MAN1A1: variants seen among roughly 807,000 people sequenced by gnomAD.
MAN1A1 encodes mannosidase alpha class 1A member 1, also known as mannosyl-oligosaccharide 1,2-alpha-mannosidase IA.
MAN1A1 carries 29 observed loss-of-function variants against 70.8 expected under a neutral mutation model. The ratio of observed to expected loss-of-function variants is 0.41; its 90% CI spans 0.31 to 0.56. The LOEUF (loss-of-function observed/expected upper bound fraction) is 0.56, where lower values mean the gene tolerates loss of function less well. Ranked by LOEUF, MAN1A1 falls within the 20% of genes least tolerant of loss-of-function variation. MAN1A1 has a pLI of 0.29. For synonymous variants in MAN1A1, 349 were observed against 330.1 expected, an observed-to-expected ratio of 1.06 and a Z score of -0.62; for missense variants, 747 against 841.3, an observed-to-expected ratio of 0.89 and a Z score of 1.39.
intron 2 of MAN1A1, among the ~76,000 whole-genome samples, chr6:119,331,632 C>A (rs964172540): frequency 6.9e-6 from 1 of 144,156 alleles, no homozygotes; most frequent in African/African-American, 2.6e-5. Context: ...TGAACACATA[C>A]TAGTAAATAT....
chr6:119,313,543 T>TG, intron 2 of MAN1A1, among the ~76,000 whole-genome samples: 1 of 152,158 alleles, frequency 6.6e-6, no homozygotes, highest in South Asian at 2.1e-4. Context: ...TTTACCCCAA[T>TG]GTTACAATGA....
chr6:119,190,250 C>T (rs1722495699), intron 9 of MAN1A1, among the ~76,000 whole-genome samples: 1 of 152,134 alleles, frequency 6.6e-6, no homozygotes. Flanking sequence ...TAACACAGCC[C>T]AGGCCCTAAG....
chr6:119,185,774 T>C, intron 11 of MAN1A1, among the ~76,000 whole-genome samples: 1 of 151,388 alleles, frequency 6.6e-6, no homozygotes, highest in Admixed American at 6.6e-5. Flanking sequence ...AGAGACGGGG[T>C]TTCACCGTGT....
At chr6:119,184,196 G>C (rs1773227319) in intron 11 of MAN1A1, among the ~76,000 whole-genome samples, 1 of 152,098 alleles carries the variant, frequency 6.6e-6, no homozygotes, top group South Asian at 2.1e-4. Context: ...AGTCTAACCA[G>C]ATCATCATTG....
chr6:119,290,176 A>C (rs906414013), intron 5 of MAN1A1, among the ~76,000 whole-genome samples: 1 of 151,992 alleles, frequency 6.6e-6, no homozygotes. Context: ...ACTCAGGAAG[A>C]GCTCCAAAGC....
chr6:119,191,793 G>C, intron 9 of MAN1A1, among the ~76,000 whole-genome samples: 1 of 152,122 alleles, frequency 6.6e-6, no homozygotes, highest in East Asian at 1.9e-4. Context: ...AAATCTACTT[G>C]AAGCTACAAC....
Position 119,260,976 on chromosome 6 carries a change from G to GCTTT in MAN1A1, c.898-12623_898-12622insAAAG, listed in dbSNP as rs1554209499. On this transcript the variant is annotated intron_variant, in intron 5 of 12. Transcript: ENST00000368468. ...TATCTAAATGTCTTGTTTTTTTATTGTTTTTTTTTTTTTTTTTTTTGAGAT... is the reference window on the plus strand; with the variant it reads ...TATCTAAATGTCTTGTTTTTTTATTGCTTTTTTTTTTTTTTTTTTTTTTTGAGAT... Among the ~76,000 whole-genome samples the GCTTT allele has an allele frequency of 2.0e-4, 23 of 116,954 alleles. 8 individuals carry two copies. Among genetic ancestry groups the GCTTT allele is most frequent in the South Asian group, 5.2e-4 (2 of 3,850 alleles). 76.7% of individuals were successfully genotyped at this position (116,954 alleles called of 152,430 possible).
chr6:119,345,614 C>G (rs969468302), intron 2 of MAN1A1, among the ~76,000 whole-genome samples: 2 of 152,198 alleles, frequency 1.3e-5, no homozygotes, highest in African/African-American at 2.4e-5. Flanking sequence ...TAAAAATCTA[C>G]TGCAGTACTA....
chr6:119,336,616 T>C (rs932954837), intron 2 of MAN1A1, among the ~76,000 whole-genome samples: 4 of 152,206 alleles, frequency 2.6e-5, no homozygotes, highest in African/African-American at 9.6e-5. Context: ...AGAAACAATA[T>C]GAAATTGGGA....
At chr6:119,298,656 G>A (rs938399253) in intron 4 of MAN1A1, among the ~76,000 whole-genome samples, 5 of 151,018 alleles carry the variant, frequency 3.3e-5, no homozygotes, top group South Asian at 2.1e-4. Context: ...GAGTGCAGTG[G>A]TGCAATCTCA....
chr6:119,298,934 A>G (rs573399967), intron 4 of MAN1A1, among the ~76,000 whole-genome samples: 3 of 152,042 alleles, frequency 2.0e-5, no homozygotes, highest in African/African-American at 7.2e-5. Context: ...CAATTAGAAT[A>G]CCTTATCAGG....
chr6:119,181,154 GA>G lies in MAN1A1; in HGVS notation c.1720-728del, dbSNP rs1255464325. On this transcript the variant is annotated intron_variant, in intron 11 of 12. Transcript: ENST00000368468. ...TGGCTGTTTTTGTACTACAATGACAGAGCTAAGTAGATGCAAAAGAGACTAG... is the reference window on the plus strand; with the variant it reads ...TGGCTGTTTTTGTACTACAATGACAGGCTAAGTAGATGCAAAAGAGACTAG... Among the ~76,000 whole-genome samples, 5 of 152,306 alleles carry G rather than the reference GA, an allele frequency of 3.3e-5. No homozygotes were observed. In the East Asian group the frequency reaches 9.6e-4, roughly 29 times the overall value.
At chr6:119,225,406 A>C (rs1396878606) in intron 6 of MAN1A1, among the ~76,000 whole-genome samples, 2 of 136,500 alleles carry the variant, frequency 1.5e-5, no homozygotes, top group African/African-American at 5.6e-5. Context: ...AGAGAGAGAG[A>C]CAGAGAGAGA....
chr6:119,230,908 A>G (rs1161802218), intron 6 of MAN1A1, among the ~76,000 whole-genome samples: 25 of 152,214 alleles, frequency 1.6e-4, no homozygotes, highest in Admixed American at 1.6e-3. Context: ...GCAATGGGAA[A>G]CCAAGTGTTA....
At chr6:119,328,916 C>G (rs894452198) in intron 2 of MAN1A1, among the ~76,000 whole-genome samples, 3 of 152,200 alleles carry the variant, frequency 2.0e-5, no homozygotes, top group Non-Finnish European at 4.4e-5. Context: ...GTAAAACCTT[C>G]CATAATGAAT....
chr6:119,253,083 C>A (rs1290331238), intron 5 of MAN1A1, among the ~76,000 whole-genome samples: 1 of 152,042 alleles, frequency 6.6e-6, no homozygotes, highest in Admixed American at 6.5e-5. Flanking sequence ...TCTTATTCTA[C>A]ACAATAATAA....
rs775278850 is a variant in MAN1A1, at chr6:119,179,964, G to A, written c.1836-19C>T. The A allele has an allele frequency of 6.2e-7, 1 of 1,612,116 alleles. No individual in the cohort carries two copies. Among genetic ancestry groups the A allele is most frequent in the Non-Finnish European group, 8.5e-7 (1 of 1,178,836 alleles). On this transcript the variant is annotated intron_variant, in intron 12 of 12. Coordinates refer to ENST00000368468, the MANE Select transcript of MAN1A1 (RefSeq NM_005907.4). ...CAAATATCTGGTGAGAGAAACATAA[G>A]TATATGAGGCCCAAGACACTAGGCA...
intron 3 of MAN1A1, among the ~76,000 whole-genome samples, 166 bp from the exon 4 acceptor site, chr6:119,302,269 T>C (rs1023273444): frequency 6.6e-6 from 1 of 152,180 alleles, no homozygotes; most frequent in East Asian, 1.9e-4. Context: ...AGCACCAAAC[T>C]AAAAATTATC....
intron 4 of MAN1A1, among the ~76,000 whole-genome samples, chr6:119,298,218 C>T (rs1290602839): frequency 6.6e-6 from 1 of 152,076 alleles, no homozygotes; most frequent in Non-Finnish European, 1.5e-5. Flanking sequence ...TATCTATGTG[C>T]CTCTACAGAT....
Sources: gnomAD v4.1 joint callset for allele counts (sites outside exome capture counted in the v4.1 genomes callset) on GRCh38, gnomAD v4.1.1 for gene constraint, MANE v1.5 for transcripts, NCBI Gene and HGNC (gene_info 2026-07-23, HGNC 2026-07-21) for gene names.